The following AANAT variants were observed in gnomAD, a reference collection of about 807,000 sequenced individuals.
The protein encoded by AANAT is aralkylamine N-acetyltransferase.
In AANAT, 11 loss-of-function variants were observed where a neutral mutation model predicts 15.6. That is an observed-to-expected ratio of 0.71 (90% CI 0.44 to 1.17). The LOEUF is 1.17. Among genes scored for constraint, AANAT ranks in the 50% most tolerant of loss-of-function variants. AANAT has a pLI of 0.00. For synonymous variants in AANAT, 139 were observed against 131.5 expected, an observed-to-expected ratio of 1.06 and a Z score of -0.39; for missense variants, 286 against 296.3, an observed-to-expected ratio of 0.97 and a Z score of 0.26.
intron 2 of AANAT, among the ~76,000 whole-genome samples, chr17:76,461,028 G>A (rs931139020): frequency 6.6e-6 from 1 of 151,986 alleles, no homozygotes; most frequent in Non-Finnish European, 1.5e-5. Context: ...AGCCAGGCGT[G>A]GTGGCATGTG....
Position 76,469,940 on chromosome 17 carries a change from C to T in AANAT, c.594C>T (p.His198=), listed in dbSNP as rs757947738. 66 of 1,525,208 alleles carry T rather than the reference C, an allele frequency of 4.3e-5. No homozygotes were observed. The highest frequency in any genetic ancestry group is 1.5e-4 in the Admixed American group (7 of 47,238). The allele number at this position is 1,525,208 out of a possible 1,614,324, so 94.5% of individuals were successfully genotyped here. A position where few individuals can be genotyped will look rare whatever the true frequency, so the allele number is the denominator to read the frequency against. The change falls in exon 4 of 4, where the codon CAC becomes CAT. Residue 198 remains histidine, a synonymous_variant. Coordinates refer to ENST00000392492, the MANE Select transcript of AANAT (RefSeq NM_001088.3). This position sits in a 1 kb window ranked among gnomAD's most constrained non-coding sequence, Gnocchi z 5.2. ...FMELHCSLRG[H]PFLRRNSGC is the part of the protein sequence containing the mutation. ...AGCTCCACTGCTCCCTGCGGGGCCA[C>T]CCCTTCCTGCGCAGGAACAGCGGCT... is the stretch of plus-strand genomic sequence containing the variant.
intron 1 of AANAT, 133 bp from the exon 2 acceptor site, chr17:76,468,539 T>C: frequency 1.3e-6 from 1 of 745,448 alleles, no homozygotes; most frequent in African/African-American, 1.8e-5. Context: ...ACCAGGTACC[T>C]GGGGAATGTG....
Position 76,457,223 on chromosome 17 carries a change from A to G in AANAT, c.-575-2024A>G, listed in dbSNP as rs190453184. On this transcript the variant is annotated intron_variant, in intron 1 of 6. Coordinates refer to the AANAT transcript ENST00000250615. The stretch of plus-strand genomic sequence containing the variant: ...ACGGCTGGCTAATTTTTGTATTTTT[A>G]GTAGAGACGGGGTTTACCATGTTGG... Among the ~76,000 whole-genome samples, 31 of 152,184 alleles carry G rather than the reference A, an allele frequency of 2.0e-4. No homozygotes were observed. The East Asian group carries it at 3.7e-3, about 18-fold the overall frequency.
chr17:76,456,668 A>T (rs1000264570), intron 1 of AANAT, among the ~76,000 whole-genome samples: 2 of 152,208 alleles, frequency 1.3e-5, no homozygotes, highest in Admixed American at 1.3e-4. Context: ...ATTAAACAGC[A>T]GTAACATAGT....
chr17:76,453,661 G>A (rs1448547282), exon 1 of AANAT: 1 of 152,446 alleles, frequency 6.6e-6, no homozygotes, highest in Non-Finnish European at 1.5e-5. Flanking sequence ...CAACTTGTAA[G>A]GCTATAATAG....
chr17:76,464,594 G>T (rs1451816268), upstream of AANAT, among the ~76,000 whole-genome samples: 1 of 152,130 alleles, frequency 6.6e-6, no homozygotes, highest in Non-Finnish European at 1.5e-5. Flanking sequence ...TGGGTGAGTT[G>T]TGGATACAGG....
At chr17:76,459,686 C>T (rs1330414096) in intron 2 of AANAT, among the ~76,000 whole-genome samples, 1 of 152,164 alleles carries the variant, frequency 6.6e-6, no homozygotes, top group Non-Finnish European at 1.5e-5. Flanking sequence ...ACTATGTGAC[C>T]TTGGGCAAGT....
upstream of AANAT, among the ~76,000 whole-genome samples, chr17:76,463,526 T>C (rs147626413): frequency 1.3e-5 from 2 of 152,138 alleles, no homozygotes; most frequent in African/African-American, 2.4e-5. Context: ...CAGACTGCTA[T>C]TGAACTCCTG....
intron 1 of AANAT, among the ~76,000 whole-genome samples, chr17:76,457,711 C>G (rs986039601): frequency 9.9e-5 from 15 of 152,130 alleles, no homozygotes; most frequent in Non-Finnish European, 2.1e-4. Flanking sequence ...GTGCCTAGGA[C>G]AGTACCTGGC....
At chr17:76,457,428 C>T (rs1300929486) in intron 1 of AANAT, among the ~76,000 whole-genome samples, 2 of 152,212 alleles carry the variant, frequency 1.3e-5, no homozygotes, top group Non-Finnish European at 2.9e-5. Context: ...AATGTAAAAA[C>T]TAATGCCCTT....
Position 76,469,271 on chromosome 17 carries a change from G to T in AANAT, c.262G>T (p.Gly88Cys), listed in dbSNP as rs1478089014. Reference sequence around the variant, plus strand: ...GCTGTCCCTGGGCTGGTTCGAGGAGGGCTGCCTTGTGGCCTTCATCATCGG... The same window carrying T: ...GCTGTCCCTGGGCTGGTTCGAGGAGTGCTGCCTTGTGGCCTTCATCATCGG... ...PELSLGWFEE[G>C]CLVAFIIGSL... Residue 88 changes from glycine (G) to cysteine (C), a missense_variant, in exon 3 of 4, where the codon GGC (glycine) becomes TGC (cysteine). By Grantham distance (159) the Gly-to-Cys change is radical. Transcript: ENST00000392492. This position sits in a 1 kb window ranked among gnomAD's most constrained non-coding sequence, Gnocchi z 5.2. 2.5e-6 allele frequency: 4 copies of T among 1,614,050 alleles called. No homozygotes were observed. In the African/African-American group the frequency reaches 5.3e-5, roughly 22 times the overall value.
rs201897313 is a variant in AANAT, at chr17:76,468,761, C to T, written c.15C>T (p.Ser5=). ...CAGTGGCCAGAATGTCCACGCAGAG[C>T]ACCCACCCCCTGAAACCTGAGGCCC... is the stretch of plus-strand genomic sequence containing the variant. MSTQ[S]THPLKPEAPR... is the part of the protein sequence containing the mutation. The change falls in exon 2 of 4, where the codon AGC becomes AGT. Residue 5 remains serine (S), a synonymous_variant. Coordinates refer to ENST00000392492, the MANE Select transcript of AANAT (RefSeq NM_001088.3). 1 of 1,612,514 alleles carries T rather than the reference C, an allele frequency of 6.2e-7. No individual in the cohort carries two copies. Among genetic ancestry groups the T allele is most frequent in the Non-Finnish European group, 8.5e-7 (1 of 1,179,642 alleles).
intron 2 of AANAT, 68 bp downstream of exon 2, chr17:76,468,977 C>A: frequency 6.6e-7 from 1 of 1,519,682 alleles, no homozygotes; most frequent in Non-Finnish European, 9.0e-7. Context: ...GGGAGGAGAC[C>A]CTTAGTCTCC....
chr17:76,453,528 A>G (rs2073302756), exon 1 of AANAT: 1 of 175,648 alleles, frequency 5.7e-6, no homozygotes, highest in South Asian at 2.0e-4. Flanking sequence ...TTGGCGTCCT[A>G]GCCTAGCCCC....
chr17:76,469,872 G>T lies in AANAT; in HGVS notation c.526G>T (p.Val176Leu), dbSNP rs776282830. The change falls in exon 4 of 4, where the codon GTG (valine) becomes TTG (leucine). Residue 176 changes from valine (V) to leucine (L), a missense_variant. Val to Leu is a conservative substitution (Grantham distance 32). Transcript: ENST00000392492. The surrounding 1 kb of genome is among the most constrained non-coding windows in gnomAD (Gnocchi z 5.2). ...CTATGAGAGGTTCAGCTTCCACGCC[G>T]TGGGCCCCTGCGCCATCACCGTGGG... ...PFYERFSFHA[V>L]GPCAITVGSL... The T allele has an allele frequency of 6.3e-7, 1 of 1,590,778 alleles. No homozygotes were observed. Among genetic ancestry groups the T allele is most frequent in the Non-Finnish European group, 8.5e-7 (1 of 1,170,094 alleles).
chr17:76,460,129 A>ATTTTTTTTTTTTTTTTTTTTTTTTTTTT (rs1567863927), intron 2 of AANAT, among the ~76,000 whole-genome samples: 1 of 82,888 alleles, frequency 1.2e-5, no homozygotes, highest in Non-Finnish European at 2.3e-5. Context: ...TACTTCAGGA[A>ATTTTTTTTTTTTTTTTTTTTTTTTTTTT]ATTTTTTTTT....
exon 3 of AANAT, chr17:76,462,460 A>AG (rs1345955091): frequency 2.6e-5 from 4 of 152,128 alleles, no homozygotes; most frequent in Non-Finnish European, 2.9e-5. Context: ...GTTCCACCCA[A>AG]GGTTGATGCA....
At chr17:76,463,197 G>A (rs989791734), upstream of AANAT, among the ~76,000 whole-genome samples, 1 of 152,084 alleles carries the variant, frequency 6.6e-6, no homozygotes, top group African/African-American at 2.4e-5. Flanking sequence ...CCGTGGCAGC[G>A]AGTCAGTGTG....
intron 1 of AANAT, among the ~76,000 whole-genome samples, chr17:76,455,267 C>T (rs1428557956): frequency 6.6e-6 from 1 of 152,136 alleles, no homozygotes; most frequent in Non-Finnish European, 1.5e-5. Flanking sequence ...GCCTGGCCAA[C>T]ATGGCAAAAC....
Sources: gnomAD v4.1 joint callset for allele counts (sites outside exome capture counted in the v4.1 genomes callset) on GRCh38, gnomAD v4.1.1 for gene constraint, Gnocchi (gnomAD v3.1) non-coding constraint, MANE v1.5 for transcripts, NCBI Gene and HGNC (gene_info 2026-07-23, HGNC 2026-07-21) for gene names.